EPHA3: variants seen among roughly 807,000 people sequenced by gnomAD.
EPHA3 encodes ephrin type-A receptor 3.
Under a neutral mutation model 107.1 loss-of-function variants are expected in EPHA3, and 42 were observed. The observed-to-expected ratio is 0.39, with a 90% CI of 0.31 to 0.51. EPHA3 has a LOEUF of 0.51. Ranked by LOEUF, EPHA3 falls within the 20% of genes least tolerant of loss-of-function variation. EPHA3 has a pLI of 0.78. For synonymous variants in EPHA3, 461 were observed against 424.8 expected, an observed-to-expected ratio of 1.09 and a Z score of -1.05; for missense variants, 1,183 against 1,211.2, an observed-to-expected ratio of 0.98 and a Z score of 0.35.
At chr3:89,410,662 T>A (rs990762173) in intron 9 of EPHA3, among the ~76,000 whole-genome samples, 1 of 152,008 alleles carries the variant, frequency 6.6e-6, no homozygotes, top group Admixed American at 6.6e-5. Flanking sequence ...GTTGATCTGA[T>A]ATGAGTTTTC....
intron 1 of EPHA3, among the ~76,000 whole-genome samples, chr3:89,116,577 G>A (rs149552028): frequency 1.6e-3 from 243 of 151,990 alleles, no homozygotes; most frequent in African/African-American, 5.5e-3. Flanking sequence ...TTTTTCATGT[G>A]GGTATTTTAG....
chr3:89,119,834 C>T (rs1276404954), intron 1 of EPHA3, among the ~76,000 whole-genome samples: 1 of 152,094 alleles, frequency 6.6e-6, no homozygotes, highest in Non-Finnish European at 1.5e-5. Flanking sequence ...ACTTTTGTTT[C>T]ACCACTACAT....
chr3:89,411,980 C>A (rs917581682), intron 9 of EPHA3, among the ~76,000 whole-genome samples: 9 of 151,778 alleles, frequency 5.9e-5, no homozygotes, highest in African/African-American at 2.2e-4. Flanking sequence ...ATATTCTGTG[C>A]TAAAACACAC....
chr3:89,444,627 T>G (rs1709846671), intron 13 of EPHA3, among the ~76,000 whole-genome samples: 1 of 152,136 alleles, frequency 6.6e-6, no homozygotes, highest in Non-Finnish European at 1.5e-5. Flanking sequence ...TAAAGGGAAT[T>G]GAAAGGAAGG....
At chr3:89,326,360 G>T (rs1036994272) in intron 3 of EPHA3, among the ~76,000 whole-genome samples, 5 of 152,084 alleles carry the variant, frequency 3.3e-5, no homozygotes, top group Non-Finnish European at 1.5e-5. Flanking sequence ...ACAATGGCAA[G>T]AAAAAGATCT....
chr3:89,268,956 G>A (rs573177739), intron 3 of EPHA3, among the ~76,000 whole-genome samples: 13 of 150,884 alleles, frequency 8.6e-5, no homozygotes, highest in Admixed American at 4.6e-4. Context: ...ATACAAGGTC[G>A]TGTGTCTTAT....
chr3:89,126,692 T>G (rs1444820071), intron 1 of EPHA3, among the ~76,000 whole-genome samples: 3 of 151,670 alleles, frequency 2.0e-5, no homozygotes, highest in African/African-American at 7.2e-5. Flanking sequence ...AATGAATACA[T>G]TTTTAAAAAA....
intron 16 of EPHA3, among the ~76,000 whole-genome samples, chr3:89,477,992 C>A (rs1235260340): frequency 6.6e-6 from 1 of 151,946 alleles, no homozygotes; most frequent in Non-Finnish European, 1.5e-5. Flanking sequence ...GATACAAGTA[C>A]AGAAAAGTTT....
At chr3:89,374,249 A>G (rs1319365768) in intron 5 of EPHA3, among the ~76,000 whole-genome samples, 1 of 151,968 alleles carries the variant, frequency 6.6e-6, no homozygotes, top group African/African-American at 2.4e-5. Flanking sequence ...GGCATTTTTA[A>G]GAGGAATTAA....
intron 14 of EPHA3, 90 bp downstream of exon 14, chr3:89,449,464 G>A (rs2107553951): frequency 8.4e-7 from 1 of 1,192,278 alleles, no homozygotes; most frequent in Non-Finnish European, 1.1e-6. Flanking sequence ...GGTGGCTCCT[G>A]GTTTATAACA....
At chr3:89,468,981 G>A (rs1361884028) in intron 15 of EPHA3, among the ~76,000 whole-genome samples, 1 of 152,070 alleles carries the variant, frequency 6.6e-6, no homozygotes, top group East Asian at 1.9e-4. Flanking sequence ...TGTTTCAGAA[G>A]AAGATAACTT....
intron 6 of EPHA3, 111 bp from the exon 7 acceptor site, chr3:89,399,207 A>C: frequency 1.0e-6 from 1 of 1,003,450 alleles, no homozygotes; most frequent in Non-Finnish European, 1.4e-6. Context: ...AATCCATCCT[A>C]TGATTTGTGT....
intron 2 of EPHA3, among the ~76,000 whole-genome samples, chr3:89,128,040 T>C (rs1395238867): frequency 2.6e-5 from 4 of 152,144 alleles, no homozygotes; most frequent in Admixed American, 2.0e-4. Flanking sequence ...TGTTTCTAAG[T>C]ATAGTTTGTG....
At chr3:89,473,680 C>A (rs752343291) in intron 16 of EPHA3, among the ~76,000 whole-genome samples, 1 of 152,142 alleles carries the variant, frequency 6.6e-6, no homozygotes, top group Non-Finnish European at 1.5e-5. Context: ...ATCTAAGTTA[C>A]CAGGAGAGAA....
chr3:89,136,330 C>CTGTTTTTTTTTTTTTTTTTT (rs1704309654), intron 2 of EPHA3, among the ~76,000 whole-genome samples: 1 of 23,370 alleles, frequency 4.3e-5, no homozygotes, highest in African/African-American at 1.7e-4. Flanking sequence ...ATCTTACAGG[C>CTGTTTTTTTTTTTTTTTTTT]TTTTTTTTTT....
intron 3 of EPHA3, among the ~76,000 whole-genome samples, chr3:89,271,742 A>G (rs900747530): frequency 2.0e-5 from 3 of 152,048 alleles, no homozygotes; most frequent in African/African-American, 7.2e-5. Context: ...GGAAAAAGAA[A>G]AATACCAGGA....
intron 5 of EPHA3, among the ~76,000 whole-genome samples, chr3:89,367,826 T>G (rs1180582452): frequency 6.6e-6 from 1 of 150,860 alleles, no homozygotes; most frequent in African/African-American, 2.4e-5. Context: ...AATTTTTCTC[T>G]AATTCTTCTC....
At chr3:89,144,030 A>G (rs548442108) in intron 2 of EPHA3, among the ~76,000 whole-genome samples, 1 of 151,740 alleles carries the variant, frequency 6.6e-6, no homozygotes, top group African/African-American at 2.4e-5. Context: ...AACATCTTGC[A>G]TTGCTGGGGT....
intron 3 of EPHA3, among the ~76,000 whole-genome samples, chr3:89,300,115 A>C (rs1706447610): frequency 6.6e-6 from 1 of 152,076 alleles, no homozygotes; most frequent in African/African-American, 2.4e-5. Context: ...GGGATTACTT[A>C]ACTTTCTTTA....
Sources: gnomAD v4.1 joint callset for allele counts (sites outside exome capture counted in the v4.1 genomes callset) on GRCh38, gnomAD v4.1.1 for gene constraint, MANE v1.5 for transcripts, NCBI Gene and HGNC (gene_info 2026-07-23, HGNC 2026-07-21) for gene names.